Variants in CA12 observed in about 807,000 individuals in gnomAD.
CA12 encodes the protein carbonic anhydrase 12.
CA12 carries 36 observed loss-of-function variants against 46.8 expected under a neutral mutation model. That is an observed-to-expected ratio of 0.77 (90% CI 0.59 to 1.02). CA12 has a LOEUF of 1.02. Among genes scored for constraint, CA12 ranks in the 50% least tolerant of loss-of-function variants. The pLI is 0.00. For synonymous variants in CA12, 202 were observed against 187.0 expected (o/e 1.08, Z -0.65); for missense variants, 436 against 451.4 (o/e 0.97, Z 0.31).
chr15:63,325,819 GCC>G lies in CA12; in HGVS notation c.*464_*465del. 4.7e-6 allele frequency: 1 copy of G among 214,272 alleles called. No homozygotes were observed. Among genetic ancestry groups the G allele is most frequent in the Non-Finnish European group, 9.6e-6 (1 of 104,434 alleles). The allele number at this position is 214,272 out of a possible 1,614,324, so 13.3% of individuals were successfully genotyped here. On this transcript the variant is annotated 3_prime_UTR_variant, in exon 11 of 11. Transcript: ENST00000178638. The surrounding 1 kb of genome is among the most constrained non-coding windows in gnomAD (Gnocchi z 4.9). ...TAGCAGAAGGAAATCAGAGGGAGAT[GCC>G]CCGTCTCCAGAGGAAAGAAGTTGAG...
chr15:63,333,573 T>C (rs2038962401), intron 8 of CA12, among the ~76,000 whole-genome samples: 1 of 152,238 alleles, frequency 6.6e-6, no homozygotes, highest in African/African-American at 2.4e-5. Flanking sequence ...GATGATATTC[T>C]TTCAGCTAAT....
rs1229077540 is a variant in CA12, at chr15:63,364,634, CAT to C, written c.106+11022_106+11023del. On this transcript the variant is annotated intron_variant, in intron 2 of 10. Transcript: ENST00000178638. ...CTCTTGCCTCGCAGTGTGCCGTTCT[CAT>C]ATGATATCTGCTCACTGAATCACGG... Among the ~76,000 whole-genome samples the C allele has an allele frequency of 4.6e-5, 7 of 152,332 alleles. No homozygotes were observed. The South Asian group carries it at 1.2e-3, about 27-fold the overall frequency.
rs939853690 is a variant in CA12 at position 63,327,595 on chromosome 15, T to C, written c.908-362A>G. Among the ~76,000 whole-genome samples the C allele has an allele frequency of 6.6e-6, 1 of 152,032 alleles. No homozygotes were observed. The highest frequency in any genetic ancestry group is 1.5e-5 in the Non-Finnish European group (1 of 68,004). On this transcript the variant is annotated intron_variant, in intron 9 of 10. Transcript: ENST00000178638. The surrounding 1 kb of genome is among the most constrained non-coding windows in gnomAD (Gnocchi z 4.5). ...CTGCATTTTGCCAAATACTTACAGCTGATACTGATGCACGTGGTCCAAGAA... is the reference window on the plus strand; with the variant it reads ...CTGCATTTTGCCAAATACTTACAGCCGATACTGATGCACGTGGTCCAAGAA...
At position 63,341,356 on chromosome 15, in the gene CA12, A is replaced by G. The variant is rs1448206728; in HGVS notation, c.526-573T>C. 1.3e-5 allele frequency among the ~76,000 whole-genome samples: 2 copies of G among 152,352 alleles called. No individual in the cohort carries two copies. The highest frequency in any genetic ancestry group is 1.5e-5 in the Non-Finnish European group (1 of 68,026). ...GGAGGTGAGCAGCGGGCAAGCAAGC[A>G]TTACAGCCTGAGCTCCGCCCCCTGT... On this transcript the variant is annotated intron_variant, in intron 5 of 10. Transcript: ENST00000178638. The surrounding 1 kb of genome is among the most constrained non-coding windows in gnomAD (Gnocchi z 5.2).
At position 63,355,891 on chromosome 15, in the gene CA12, A is replaced by G. The variant is rs756592195; in HGVS notation, c.107-9182T>C. On this transcript the variant is annotated intron_variant, in intron 2 of 10. Transcript: ENST00000178638. The surrounding 1 kb of genome is among the most constrained non-coding windows in gnomAD (Gnocchi z 4.1). ...ACATCCTGCTCTGTCTTTCTTAAAC[A>G]TAATATTCAAATAGGGGGCTCCAGG... 9.2e-5 allele frequency among the ~76,000 whole-genome samples: 14 copies of G among 152,174 alleles called. No individual in the cohort carries two copies. The highest frequency in any genetic ancestry group is 1.5e-4 in the Non-Finnish European group (10 of 68,040).
At position 63,374,571 on chromosome 15, in the gene CA12, G is replaced by T. The variant is rs1212599036; in HGVS notation, c.106+1087C>A. On this transcript the variant is annotated intron_variant, in intron 2 of 10. Coordinates refer to ENST00000178638, the MANE Select transcript of CA12 (RefSeq NM_001218.5). This position sits in a 1 kb window ranked among gnomAD's most constrained non-coding sequence, Gnocchi z 4.4. ...GCTGTGCACATAATCAGTACATAAG[G>T]GATGTTAGCAATAACGGAGCCGTGC... 6.6e-6 allele frequency among the ~76,000 whole-genome samples: 1 copy of T among 152,224 alleles called. No individual in the cohort carries two copies. Among genetic ancestry groups the T allele is most frequent in the Non-Finnish European group, 1.5e-5 (1 of 68,040 alleles).
At position 63,325,280 on chromosome 15, in the gene CA12, C is replaced by A. The variant is rs936082393; in HGVS notation, c.*1005G>T. On this transcript the variant is annotated 3_prime_UTR_variant, in exon 11 of 11. Coordinates refer to ENST00000178638, the MANE Select transcript of CA12 (RefSeq NM_001218.5). The surrounding 1 kb of genome is among the most constrained non-coding windows in gnomAD (Gnocchi z 4.9). ...AAATTTGGCCTACAGAGAATAAGTT[C>A]TACAGTCATTTTGTTTCTGCCTATT... 6.6e-6 allele frequency: 1 copy of A among 152,154 alleles called. No individual in the cohort carries two copies. Among genetic ancestry groups the A allele is most frequent in the Non-Finnish European group, 1.5e-5 (1 of 68,046 alleles). 9.4% of individuals were successfully genotyped at this position (152,154 alleles called of 1,614,324 possible).
At chr15:63,356,549 T>C (rs1595786350) in intron 2 of CA12, among the ~76,000 whole-genome samples, 2 of 147,706 alleles carry the variant, frequency 1.4e-5, no homozygotes, top group South Asian at 4.5e-4. Flanking sequence ...TGAGACAGAG[T>C]CTCTCGCTCT....
At chr15:63,352,425 G>A (rs1346389606) in intron 2 of CA12, among the ~76,000 whole-genome samples, 1 of 152,242 alleles carries the variant, frequency 6.6e-6, no homozygotes, top group Non-Finnish European at 1.5e-5. Context: ...ACCAGAGAAG[G>A]AAGGTTGGAG....
rs1337001317 is a variant in CA12 at position 63,373,370 on chromosome 15, A to G, written c.106+2288T>C. Among the ~76,000 whole-genome samples the G allele has an allele frequency of 6.6e-6, 1 of 151,752 alleles. No homozygotes were observed. The stretch of plus-strand genomic sequence containing the variant: ...AGAATGAGACTCCAAAAAAAAAAAA[A>G]AAATTTGTCCTCCCACACCTTCACA... On this transcript the variant is annotated intron_variant, in intron 2 of 10. Coordinates refer to ENST00000178638, the MANE Select transcript of CA12 (RefSeq NM_001218.5). The surrounding 1 kb of genome is among the most constrained non-coding windows in gnomAD (Gnocchi z 4.9).
At chr15:63,343,299 T>TTTCC (rs745693866) in intron 4 of CA12, among the ~76,000 whole-genome samples, 5 of 147,466 alleles carry the variant, frequency 3.4e-5, no homozygotes, top group Non-Finnish European at 7.5e-5. Flanking sequence ...TTTTTTTTTT[T>TTTCC]TAATGGAGTT....
chr15:63,346,431 G>T, intron 3 of CA12, 99 bp downstream of exon 3: 4 of 512,146 alleles, frequency 7.8e-6, no homozygotes, highest in African/African-American at 2.0e-5. Flanking sequence ...CCTCCTGGAT[G>T]CTTCCACGGA....
In CA12 at chr15:63,348,016, G is replaced by A. The variant is rs1166011491; in HGVS notation, c.107-1307C>T. On this transcript the variant is annotated intron_variant, in intron 2 of 10. Coordinates refer to ENST00000178638, the MANE Select transcript of CA12 (RefSeq NM_001218.5). The surrounding 1 kb of genome is among the most constrained non-coding windows in gnomAD (Gnocchi z 4.6). Reference sequence around the variant, plus strand: ...CATCGTGCTCTCTAACTAGGGGACCGTATCTGAGAGTGGGAAGAATCCGAA... The same window carrying A: ...CATCGTGCTCTCTAACTAGGGGACCATATCTGAGAGTGGGAAGAATCCGAA... 1.3e-5 allele frequency among the ~76,000 whole-genome samples: 2 copies of A among 152,204 alleles called. No individual in the cohort carries two copies. Among genetic ancestry groups the A allele is most frequent in the African/African-American group, 2.4e-5 (1 of 41,446 alleles).
At position 63,346,719 on chromosome 15, in the gene CA12, G is replaced by A. The variant is rs750746209; in HGVS notation, c.107-10C>T. The A allele has an allele frequency of 3.1e-6, 5 of 1,614,032 alleles. No homozygotes were observed. The highest frequency in any genetic ancestry group is 4.2e-6 in the Non-Finnish European group (5 of 1,179,906). Reference sequence around the variant, plus strand: ...TTCTCCCCATCAGGACCTGGACACAGAGATCCATGCTCAAGATTTAGAGTT... The same window carrying A: ...TTCTCCCCATCAGGACCTGGACACAAAGATCCATGCTCAAGATTTAGAGTT... On this transcript the variant is annotated splice_polypyrimidine_tract_variant and intron_variant, in intron 2 of 10. Transcript: ENST00000178638.
chr15:63,343,922 A>T (rs1039289), intron 4 of CA12, among the ~76,000 whole-genome samples: 109,280 of 152,098 alleles, frequency 0.72, 39,487 homozygotes, highest in East Asian at 0.89. Context: ...ATAAAAAAGC[A>T]ACACACCTCA....
chr15:63,343,582 G>T (rs1194277199), intron 4 of CA12, among the ~76,000 whole-genome samples: 1 of 151,984 alleles, frequency 6.6e-6, no homozygotes, highest in Non-Finnish European at 1.5e-5. Context: ...TGCCCCACCA[G>T]AATCTTCTTA....
In CA12 at chr15:63,346,601, G is replaced by A. The variant is rs144831502; in HGVS notation, c.215C>T (p.Thr72Met). 100 of 1,614,078 alleles carry A rather than the reference G, an allele frequency of 6.2e-5. No individual in the cohort carries two copies. In the African/African-American group the frequency reaches 8.0e-4, roughly 13 times the overall value. ...ATTGTAGCCTTGGAACTCGAGGGGCGTGAGGCTGGCGTCATACTGGAGGAT... is the reference window on the plus strand; with the variant it reads ...ATTGTAGCCTTGGAACTCGAGGGGCATGAGGCTGGCGTCATACTGGAGGAT... Reference protein sequence around the residue: ...SDILQYDASLTPLEFQGYNLS... With the variant: ...SDILQYDASLMPLEFQGYNLS... The change falls in exon 3 of 11, where the codon ACG becomes ATG. Residue 72 changes from threonine (T) to methionine (M), a missense_variant. Thr to Met is a moderately conservative substitution (Grantham distance 81, BLOSUM62 -1). Coordinates refer to ENST00000178638, the MANE Select transcript of CA12 (RefSeq NM_001218.5).
Position 63,330,648 on chromosome 15 carries a change from G to A in CA12, c.875-2518C>T, listed in dbSNP as rs550602669. Among the ~76,000 whole-genome samples the A allele has an allele frequency of 5.9e-5, 9 of 152,340 alleles. No individual in the cohort carries two copies. The highest frequency in any genetic ancestry group is 1.7e-4 in the African/African-American group (7 of 41,584). On this transcript the variant is annotated intron_variant, in intron 8 of 10. Coordinates refer to ENST00000178638, the MANE Select transcript of CA12 (RefSeq NM_001218.5). This position sits in a 1 kb window ranked among gnomAD's most constrained non-coding sequence, Gnocchi z 4.0. ...TACCCTTCATGCCTGGTCTTGGGGAGCTGAGCAAAGTCTATGGAGAGCAAG... is the reference window on the plus strand; with the variant it reads ...TACCCTTCATGCCTGGTCTTGGGGAACTGAGCAAAGTCTATGGAGAGCAAG...
At chr15:63,364,348 A>AAAAAAAAAAAAAAC in intron 2 of CA12, among the ~76,000 whole-genome samples, 1 of 150,176 alleles carries the variant, frequency 6.7e-6, no homozygotes. Flanking sequence ...AAAAAAAAAA[A>AAAAAAAAAAAAAAC]AAAAAAACAG....
Sources: allele counts gnomAD v4.1 joint callset (sites outside exome capture counted in the v4.1 genomes callset), GRCh38; gene constraint gnomAD v4.1.1; non-coding constraint Gnocchi (gnomAD v3.1); transcripts MANE v1.5; gene names NCBI Gene and HGNC (gene_info 2026-07-23, HGNC 2026-07-21).